LY75: variants seen among roughly 807,000 people sequenced by gnomAD.
LY75 encodes lymphocyte antigen 75.
In LY75, 185 loss-of-function variants were observed where a neutral mutation model predicts 231.7. The observed-to-expected ratio is 0.80, with a 90% confidence interval of 0.71 to 0.90. LY75 has a LOEUF of 0.90. Among genes scored for constraint, LY75 ranks in the 40% least tolerant of loss-of-function variants. LY75 has a pLI of 0.00. For synonymous variants in LY75, 668 were observed against 689.0 expected, an observed-to-expected ratio of 0.97 and a Z score of 0.48; for missense variants, 1,947 against 2,050.2, an observed-to-expected ratio of 0.95 and a Z score of 0.97.
intron 31 of LY75, chr2:159,812,348 A>G (rs1682986636): frequency 6.6e-6 from 1 of 151,314 alleles, no homozygotes; most frequent in Admixed American, 6.6e-5. Flanking sequence ...CTGTTCAAGA[A>G]GATCCATTTT....
chr2:159,899,617 G>A (rs1686012975), intron 1 of LY75, among the ~76,000 whole-genome samples: 1 of 152,296 alleles, frequency 6.6e-6, no homozygotes, highest in Non-Finnish European at 1.5e-5. Flanking sequence ...CCTTTCTTCA[G>A]ATCCAAGTAC....
intron 4 of LY75, among the ~76,000 whole-genome samples, chr2:159,887,566 C>T (rs79979488): frequency 9.6e-6 from 1 of 103,828 alleles, no homozygotes; most frequent in African/African-American, 4.6e-5. Flanking sequence ...TCAACAACAA[C>T]AAAAAAAAAA....
chr2:159,852,128 G>A, intron 21 of LY75, 73 bp downstream of exon 21: 2 of 1,553,588 alleles, frequency 1.3e-6, no homozygotes, highest in South Asian at 1.2e-5. Context: ...CTAATGGGTT[G>A]CCATTCTGCC....
At chr2:159,873,000 C>T (rs1685063537) in intron 12 of LY75, among the ~76,000 whole-genome samples, 1 of 152,084 alleles carries the variant, frequency 6.6e-6, no homozygotes, top group African/African-American at 2.4e-5. Context: ...GACACAGTGA[C>T]CCACACAAAA....
chr2:159,901,508 G>T (rs2125888094), intron 1 of LY75, among the ~76,000 whole-genome samples: 1 of 152,318 alleles, frequency 6.6e-6, no homozygotes, highest in South Asian at 2.1e-4. Flanking sequence ...CCAAACAGGT[G>T]AACTGGGGAA....
At position 159,804,872 on chromosome 2, in the gene LY75, T is replaced by A; in HGVS notation, c.*172A>T. 1.9e-6 allele frequency: 1 copy of A among 526,482 alleles called. No individual in the cohort carries two copies. The highest frequency in any genetic ancestry group is 2.4e-5 in the South Asian group (1 of 42,412). The allele number at this position is 526,482 out of a possible 1,614,324, so 32.6% of individuals were successfully genotyped here. On this transcript the variant is annotated 3_prime_UTR_variant, in exon 35 of 35. Coordinates refer to ENST00000263636, the MANE Select transcript of LY75 (RefSeq NM_002349.4). The stretch of plus-strand genomic sequence containing the variant: ...ATTCTATTAATTAGGGTGATAAACA[T>A]GGCATTTAGCAGGGAATTAACTGTG...
intron 31 of LY75, among the ~76,000 whole-genome samples, chr2:159,814,918 T>G (rs1275334730): frequency 2.6e-5 from 4 of 151,746 alleles, no homozygotes; most frequent in Admixed American, 1.3e-4. Flanking sequence ...GGGAATAAAT[T>G]CCCTGAGTGC....
At chr2:159,844,729 A>G (rs1354581193) in intron 23 of LY75, among the ~76,000 whole-genome samples, 4 of 151,972 alleles carry the variant, frequency 2.6e-5, no homozygotes, top group African/African-American at 9.7e-5. Context: ...AAAACCCATA[A>G]CAAATTCAAA....
At chr2:159,846,466 T>C (rs1044365003) in intron 23 of LY75, among the ~76,000 whole-genome samples, 1 of 151,912 alleles carries the variant, frequency 6.6e-6, no homozygotes, top group African/African-American at 2.4e-5. Context: ...TATAGTAAGT[T>C]ATGAATGCAC....
chr2:159,853,620 T>C lies in LY75; in HGVS notation c.2663+10A>G. 1 of 1,613,372 alleles carries C rather than the reference T, an allele frequency of 6.2e-7. No individual in the cohort carries two copies. The highest frequency in any genetic ancestry group is 1.3e-5 in the African/African-American group (1 of 75,036). The stretch of plus-strand genomic sequence containing the variant: ...AACTTTACAAAGGTAGAATCAATGA[T>C]GTCACCTACTATGTAAAATGATCAT... On this transcript the variant is annotated intron_variant, in intron 19 of 34. Coordinates refer to ENST00000263636, the MANE Select transcript of LY75 (RefSeq NM_002349.4).
At chr2:159,904,216 C>T (rs1007697591) in intron 1 of LY75, among the ~76,000 whole-genome samples, 1 of 152,108 alleles carries the variant, frequency 6.6e-6, no homozygotes. Context: ...ACGGGAGGGA[C>T]GGGACGCAAG....
intron 25 of LY75, among the ~76,000 whole-genome samples, chr2:159,839,010 GGTCCCAAAC>G (rs1390511344): frequency 6.6e-6 from 1 of 152,036 alleles, no homozygotes; most frequent in African/African-American, 2.4e-5. Flanking sequence ...TGGCCAGGCT[GGTCCCAAAC>G]TCCTGACCTC....
chr2:159,886,611 A>T, intron 4 of LY75, 81 bp from the exon 5 acceptor site: 1 of 1,375,496 alleles, frequency 7.3e-7, no homozygotes, highest in African/African-American at 1.5e-5. Flanking sequence ...ACTAATAACA[A>T]ACAAATCTGC....
chr2:159,815,877 G>T (rs1340645538), intron 30 of LY75, among the ~76,000 whole-genome samples: 1 of 152,042 alleles, frequency 6.6e-6, no homozygotes, highest in Non-Finnish European at 1.5e-5. Flanking sequence ...CATGCAAATG[G>T]CTTCCATTTG....
chr2:159,808,942 C>T (rs2125826829), intron 32 of LY75, among the ~76,000 whole-genome samples: 1 of 152,280 alleles, frequency 6.6e-6, no homozygotes, highest in South Asian at 2.1e-4. Flanking sequence ...GAACCCAGAC[C>T]CTCATGCCTC....
rs754019188 is a variant in LY75 at position 159,819,789 on chromosome 2, T to C, written c.4090A>G (p.Lys1364Glu). The stretch of plus-strand genomic sequence containing the variant: ...AAATAAACTGCTTCTTCAATAACTT[T>C]AAAGGTTTGAATATCCCAGAAGCCG... Reference protein sequence around the residue: ...TDGFWDIQTFKVIEEAVYFHQ... With the variant: ...TDGFWDIQTFEVIEEAVYFHQ... Residue 1364 changes from lysine to glutamate, a missense_variant, in exon 29 of 35, where the codon AAA becomes GAA. Transcript: ENST00000263636. 5 of 1,613,902 alleles carry C rather than the reference T, an allele frequency of 3.1e-6. No homozygotes were observed. The highest frequency in any genetic ancestry group is 4.2e-6 in the Non-Finnish European group (5 of 1,179,952).
Position 159,861,290 on chromosome 2 carries a change from CATTGGAGTCACCAATTTTTGGTGACAAAA to C in LY75, c.2200-430_2200-402del, listed in dbSNP as rs1443097415. ...TTAGAAAGAATAAAAAAGGAGGTGA[CATTGGAGTCACCAATTTTTGGTGACAAAA>C]ATTGGAGTAAATATTGAATATCTGA... On this transcript the variant is annotated intron_variant, in intron 14 of 34. Coordinates refer to ENST00000263636, the MANE Select transcript of LY75 (RefSeq NM_002349.4). 5.3e-5 allele frequency among the ~76,000 whole-genome samples: 8 copies of C among 152,134 alleles called. No homozygotes were observed. In the East Asian group the frequency reaches 1.5e-3, roughly 29 times the overall value.
intron 28 of LY75, among the ~76,000 whole-genome samples, chr2:159,829,018 A>G (rs2556094): frequency 0.8 from 121,873 of 152,072 alleles, 49,009 homozygotes; most frequent in East Asian, 0.9. Context: ...GGGAGGGAAT[A>G]CTAGTGGGTA....
At chr2:159,880,552 T>C (rs1379754763) in intron 8 of LY75, among the ~76,000 whole-genome samples, 2 of 152,194 alleles carry the variant, frequency 1.3e-5, no homozygotes, top group South Asian at 2.1e-4. Flanking sequence ...TCTAAAGGGA[T>C]TCTCTGTATC....
Sources: allele counts gnomAD v4.1 joint callset (sites outside exome capture counted in the v4.1 genomes callset), GRCh38; gene constraint gnomAD v4.1.1; transcripts MANE v1.5; gene names NCBI Gene and HGNC (gene_info 2026-07-23, HGNC 2026-07-21).